Variants in ABLIM1 observed in about 807,000 individuals in gnomAD.
The protein encoded by ABLIM1 is actin binding LIM protein 1, also known as actin-binding LIM protein 1.
A neutral mutation model predicts 107.0 loss-of-function variants in ABLIM1; 40 were observed. That is an observed-to-expected ratio of 0.37 (90% confidence interval 0.29 to 0.49). The LOEUF is 0.49. Ranked by LOEUF, ABLIM1 falls within the 20% of genes least tolerant of loss-of-function variation. The pLI, the probability that ABLIM1 is intolerant of heterozygous loss-of-function variation, is 0.97. For missense variants in ABLIM1, 857 were observed against 1,008.5 expected, an observed-to-expected ratio of 0.85 and a Z score of 2.04; for synonymous variants, 357 against 357.3, an observed-to-expected ratio of 1.00 and a Z score of 0.01.
chr10:114,564,439 AT>A (rs34025724), intron 4 of ABLIM1, among the ~76,000 whole-genome samples: 3,483 of 143,622 alleles, frequency 0.024, 100 homozygotes, highest in African/African-American at 0.072. Flanking sequence ...TAATGTTTGT[AT>A]TTTTTTTTTT....
intron 17 of ABLIM1, among the ~76,000 whole-genome samples, chr10:114,443,639 A>G (rs12762001): frequency 6.7e-6 from 1 of 150,120 alleles, no homozygotes; most frequent in Non-Finnish European, 1.5e-5. Context: ...ATGTAAAATC[A>G]TAATGCTTAG....
chr10:114,634,323 G>A (rs904067940), intron 1 of ABLIM1, among the ~76,000 whole-genome samples: 3 of 149,554 alleles, frequency 2.0e-5, no homozygotes, highest in Non-Finnish European at 3.0e-5. Context: ...TAGTAGAGAC[G>A]GGGTTTCACC....
At chr10:114,467,052 G>A (rs1363979052) in intron 11 of ABLIM1, among the ~76,000 whole-genome samples, 1 of 152,104 alleles carries the variant, frequency 6.6e-6, no homozygotes, top group Non-Finnish European at 1.5e-5. Flanking sequence ...CCAGCTACTT[G>A]GGAGGCTGAG....
intron 1 of ABLIM1, among the ~76,000 whole-genome samples, chr10:114,709,317 C>G (rs1199933968): frequency 3.3e-5 from 5 of 152,074 alleles, no homozygotes; most frequent in African/African-American, 1.2e-4. Context: ...AGGTTTGAAT[C>G]GTATAAAGCA....
At chr10:114,715,016 AG>A (rs1188971205) in intron 1 of ABLIM1, among the ~76,000 whole-genome samples, 1 of 152,224 alleles carries the variant, frequency 6.6e-6, no homozygotes, top group Admixed American at 6.5e-5. Context: ...AGAGAAGGAA[AG>A]AAAAATAAAA....
chr10:114,515,827 G>A (rs1437690877), intron 6 of ABLIM1, among the ~76,000 whole-genome samples: 1 of 152,178 alleles, frequency 6.6e-6, no homozygotes. Context: ...TTGGTGTTTT[G>A]TTGCCATAAG....
intron 2 of ABLIM1, among the ~76,000 whole-genome samples, chr10:114,592,082 G>A (rs1461195253): frequency 1.3e-5 from 2 of 152,158 alleles, no homozygotes; most frequent in African/African-American, 4.8e-5. Flanking sequence ...CCCCACTGGT[G>A]CCTACATTCT....
Position 114,445,251 on chromosome 10 carries a change from A to G in ABLIM1, c.1827+61T>C, listed in dbSNP as rs1348458099. The G allele has an allele frequency of 5.4e-6, 8 of 1,487,058 alleles. No homozygotes were observed. The Admixed American group carries it at 1.3e-4, about 25-fold the overall frequency. 92.1% of individuals were successfully genotyped at this position (1,487,058 alleles called of 1,614,324 possible). On this transcript the variant is annotated intron_variant, in intron 16 of 22. Coordinates refer to ENST00000533213, the MANE Select transcript of ABLIM1 (RefSeq NM_002313.7). Reference sequence around the variant, plus strand: ...ATGGTTTATACATAGTAGTCATTCAAAAAATATAGATCTTATGTAACTAGC... The same window carrying G: ...ATGGTTTATACATAGTAGTCATTCAGAAAATATAGATCTTATGTAACTAGC...
At chr10:114,685,448 A>G (rs960872032), upstream of ABLIM1, among the ~76,000 whole-genome samples, 2 of 152,232 alleles carry the variant, frequency 1.3e-5, no homozygotes, top group Non-Finnish European at 2.9e-5. Context: ...GGCCAAATGC[A>G]AAGTTTGATT....
At chr10:114,491,749 C>T (rs1276473219) in intron 7 of ABLIM1, 42 bp downstream of exon 7, 3 of 1,517,348 alleles carry the variant, frequency 2.0e-6, no homozygotes, top group Non-Finnish European at 9.1e-7. Context: ...ATTTCCTTTC[C>T]CCCAGCAAGG....
At chr10:114,453,919 C>T (rs7904189) in intron 12 of ABLIM1, among the ~76,000 whole-genome samples, 5,005 of 152,208 alleles carry the variant, frequency 0.033, 227 homozygotes, top group African/African-American at 0.1. Flanking sequence ...CAGCAGCTGG[C>T]AATTAGCAGA....
At chr10:114,451,481 T>C in intron 14 of ABLIM1, 143 bp downstream of exon 14, 1 of 797,084 alleles carries the variant, frequency 1.3e-6, no homozygotes, top group Non-Finnish European at 2.2e-6. Flanking sequence ...ATTTACATCT[T>C]AGTAGACCAG....
At chr10:114,690,461 A>T in intron 1 of ABLIM1, 1 of 1,587,130 alleles carries the variant, frequency 6.3e-7, no homozygotes, top group Non-Finnish European at 8.7e-7. Flanking sequence ...CCTGACACAT[A>T]AACCCTGGAA....
intron 1 of ABLIM1, among the ~76,000 whole-genome samples, chr10:114,633,367 G>A (rs1447472874): frequency 6.6e-6 from 1 of 152,100 alleles, no homozygotes; most frequent in Non-Finnish European, 1.5e-5. Context: ...GGTCTTCATT[G>A]CTGGTTTTCT....
Position 114,540,679 on chromosome 10 carries a change from C to T in ABLIM1, c.894+4326G>A, listed in dbSNP as rs573497756. ...CTCTTCTCTATCATTGTCCAGTGAC[C>T]TTTCTCTTTCTCAAAGGTCCCTCAG... On this transcript the variant is annotated intron_variant, in intron 6 of 22. Transcript: ENST00000533213. Among the ~76,000 whole-genome samples, 3 of 152,308 alleles carry T rather than the reference C, an allele frequency of 2.0e-5. No homozygotes were observed. In the South Asian group the frequency reaches 6.2e-4, roughly 32 times the overall value.
In ABLIM1 at chr10:114,465,803, T is replaced by A. The variant is rs1363060610; in HGVS notation, c.1336A>T (p.Met446Leu). Residue 446 changes from methionine to leucine, a missense_variant, in exon 12 of 23, where the codon ATG becomes TTG. Met to Leu is a conservative substitution (Grantham distance 15, BLOSUM62 2). Coordinates refer to ENST00000533213, the MANE Select transcript of ABLIM1 (RefSeq NM_002313.7). ...CCCTGGCTCGTGGACCGATGGATCA[T>A]CCGATCCCGAACATCCTGGTACCCC... is the stretch of plus-strand genomic sequence containing the variant. ...AEGYQDVRDR[M>L]IHRSTSQGSI... 1.2e-6 allele frequency: 2 copies of A among 1,614,036 alleles called. No homozygotes were observed. Among genetic ancestry groups the A allele is most frequent in the Non-Finnish European group, 1.7e-6 (2 of 1,179,978 alleles).
In ABLIM1 at chr10:114,453,436, C is replaced by T. The variant is rs1377619838; in HGVS notation, c.1489G>A (p.Asp497Asn). The T allele has an allele frequency of 2.5e-6, 4 of 1,613,468 alleles. No homozygotes were observed. The Admixed American group carries it at 5.0e-5, about 20-fold the overall frequency. ...GRNSPLPYRP[D>N]SRPLTPTYAQ... ...TAAGTTGGAGTTAGAGGGCGGCTGT[C>T]TGGCCGGTAAGGGAGAGGGGAGTTC... Residue 497 changes from aspartate to asparagine, a missense_variant, in exon 13 of 23, where the codon GAC becomes AAC. Around this residue, in one of 5 missense-constraint regions of ABLIM1, gnomAD observed 381 missense variants for 506.9 expected, o/e 0.75. Coordinates refer to ENST00000533213, the MANE Select transcript of ABLIM1 (RefSeq NM_002313.7).
chr10:114,632,406 G>C, intron 1 of ABLIM1: 15 of 985,420 alleles, frequency 1.5e-5, no homozygotes, highest in Non-Finnish European at 1.8e-5. Context: ...TCAATGGTTA[G>C]CTTATTGGCT....
the ABLIM1 span, among the ~76,000 whole-genome samples, chr10:114,773,499 A>G: frequency 6.6e-6 from 1 of 152,194 alleles, no homozygotes; most frequent in Non-Finnish European, 1.5e-5. Flanking sequence ...AGGTGGGTGG[A>G]TCACTTGAGG....
Sources: allele counts gnomAD v4.1 joint callset (sites outside exome capture counted in the v4.1 genomes callset), GRCh38; gene constraint gnomAD v4.1.1; regional missense constraint gnomAD v4.1.1; transcripts MANE v1.5; gene names NCBI Gene and HGNC (gene_info 2026-07-23, HGNC 2026-07-21).